The following OXR1 variants were observed in gnomAD, a reference collection of about 807,000 sequenced individuals.
OXR1 encodes oxidation resistance protein 1.
A neutral mutation model predicts 104.6 loss-of-function variants in OXR1; 41 were observed. The observed-to-expected ratio is 0.39, with a 90% CI of 0.31 to 0.51. The LOEUF (loss-of-function observed/expected upper bound fraction) is 0.51, where lower values mean the gene tolerates loss of function less well. Ranked by LOEUF, OXR1 falls within the 20% of genes least tolerant of loss-of-function variation. The pLI is 0.77. For synonymous variants in OXR1, 348 were observed against 348.4 expected, an observed-to-expected ratio of 1.00 and a Z score of 0.01; for missense variants, 955 against 1,031.9, an observed-to-expected ratio of 0.93 and a Z score of 1.02.
intron 3 of OXR1, among the ~76,000 whole-genome samples, chr8:106,642,130 A>T (rs944468046): frequency 6.6e-6 from 1 of 152,176 alleles, no homozygotes; most frequent in African/African-American, 2.4e-5. Flanking sequence ...GTACAAAACA[A>T]ATACTGTAAA....
chr8:106,647,130 C>T (rs1418948250), intron 3 of OXR1, among the ~76,000 whole-genome samples: 1 of 152,134 alleles, frequency 6.6e-6, no homozygotes, highest in Non-Finnish European at 1.5e-5. Context: ...TTGCTGAGTC[C>T]TTGTTTGGCT....
At chr8:106,504,697 A>T (rs150668397) in intron 2 of OXR1, among the ~76,000 whole-genome samples, 3 of 152,114 alleles carry the variant, frequency 2.0e-5, no homozygotes, top group African/African-American at 7.2e-5. Flanking sequence ...ACTTTTTGTT[A>T]TCATCAGATT....
At position 106,462,436 on chromosome 8, in the gene OXR1, A is replaced by G. The variant is rs548876202; in HGVS notation, c.24-56507A>G. On this transcript the variant is annotated intron_variant, in intron 2 of 16. Transcript: ENST00000517566. ...TCATTACCCATTCATATACTCTACA[A>G]TTCCTGGGTGAACTTTGGGAAAACA... Among the ~76,000 whole-genome samples, 226 of 152,212 alleles carry G rather than the reference A, an allele frequency of 1.5e-3. 1 individual carries two copies. The highest frequency in any genetic ancestry group is 5.3e-3 in the African/African-American group (222 of 41,548).
chr8:106,570,761 T>C, intron 3 of OXR1, among the ~76,000 whole-genome samples: 1 of 152,178 alleles, frequency 6.6e-6, no homozygotes, highest in Non-Finnish European at 1.5e-5. Context: ...TCTTCCTGAT[T>C]AAGCTGTCCA....
intron 1 of OXR1, among the ~76,000 whole-genome samples, chr8:106,331,393 G>C (rs1423697905): frequency 6.6e-6 from 1 of 152,028 alleles, no homozygotes; most frequent in African/African-American, 2.4e-5. Context: ...AGATTAATTT[G>C]TCATTGAAAC....
chr8:106,635,501 G>C (rs1823054989), intron 3 of OXR1, among the ~76,000 whole-genome samples: 1 of 152,158 alleles, frequency 6.6e-6, no homozygotes, highest in Non-Finnish European at 1.5e-5. Context: ...CTGGAGTGCA[G>C]TGGCACAATC....
chr8:106,571,445 AT>A (rs1279783805), intron 3 of OXR1, among the ~76,000 whole-genome samples: 2 of 152,068 alleles, frequency 1.3e-5, no homozygotes, highest in African/African-American at 2.4e-5. Context: ...ACCTAATTAT[AT>A]TTCAAAGATT....
chr8:106,291,740 A>C (rs1812761631), intron 1 of OXR1, among the ~76,000 whole-genome samples: 2 of 152,178 alleles, frequency 1.3e-5, no homozygotes, highest in Admixed American at 6.5e-5. Context: ...GGTTTAATAG[A>C]CACAGTTCCA....
intron 3 of OXR1, among the ~76,000 whole-genome samples, chr8:106,620,294 G>T (rs1401222180): frequency 6.6e-6 from 1 of 151,744 alleles, no homozygotes; most frequent in Non-Finnish European, 1.5e-5. Context: ...TGATCAAGCT[G>T]TATTGTGATT....
At chr8:106,699,979 A>C (rs951982583) in intron 7 of OXR1, among the ~76,000 whole-genome samples, 9 of 152,114 alleles carry the variant, frequency 5.9e-5, no homozygotes, top group Admixed American at 5.2e-4. Flanking sequence ...TAATGATTTT[A>C]TCTCTTAGTA....
At chr8:106,576,008 A>ACACACACG (rs2130593187) in intron 3 of OXR1, among the ~76,000 whole-genome samples, 1 of 151,930 alleles carries the variant, frequency 6.6e-6, no homozygotes, top group East Asian at 1.9e-4. Flanking sequence ...ACACACACAC[A>ACACACACG]CACACACACA....
rs1815620281 is a variant in OXR1 at position 106,549,276 on chromosome 8, T to C, written c.220+30137T>C. ...TTTTTTTTTGCAGTTAGCTACATCC[T>C]TATCTAGACCATAAGCTCCAGGAAG... On this transcript the variant is annotated intron_variant, in intron 3 of 16. Transcript: ENST00000517566. 2.0e-5 allele frequency among the ~76,000 whole-genome samples: 3 copies of C among 150,614 alleles called. No homozygotes were observed. In the South Asian group the frequency reaches 6.3e-4, roughly 32 times the overall value.
chr8:106,697,882 C>T (rs142481598), intron 7 of OXR1: 17 of 1,612,196 alleles, frequency 1.1e-5, no homozygotes, highest in East Asian at 8.9e-5. Context: ...AGGCTGGGAC[C>T]GGCCCACATC....
chr8:106,301,436 GA>G (rs1813232475), intron 1 of OXR1, among the ~76,000 whole-genome samples: 1 of 152,176 alleles, frequency 6.6e-6, no homozygotes, highest in African/African-American at 2.4e-5. Context: ...TTTGGGCTTT[GA>G]AATTTACAGG....
intron 7 of OXR1, chr8:106,697,781 T>A: frequency 6.2e-7 from 1 of 1,613,130 alleles, no homozygotes. Flanking sequence ...TGGATCTTCT[T>A]TACTGGGACC....
At chr8:106,371,855 G>T (rs571762623) in intron 2 of OXR1, among the ~76,000 whole-genome samples, 6 of 152,340 alleles carry the variant, frequency 3.9e-5, no homozygotes, top group Admixed American at 2.6e-4. Flanking sequence ...GGGCTGTGGG[G>T]ACAAGTCTTG....
rs1173247620 is a variant in OXR1 at position 106,279,545 on chromosome 8, A to G, written c.-139+9178A>G. On this transcript the variant is annotated intron_variant, in intron 1 of 16. Transcript: ENST00000517566. ...TTAATTAGAAACTATGCACTTTTAA[A>G]AAGTTTTCCATCAACTGCCTCTTCT... 2.6e-5 allele frequency among the ~76,000 whole-genome samples: 4 copies of G among 152,336 alleles called. No homozygotes were observed. In the South Asian group the frequency reaches 8.3e-4, roughly 32 times the overall value.
At chr8:106,662,809 G>C (rs893524204) in intron 3 of OXR1, among the ~76,000 whole-genome samples, 3 of 151,794 alleles carry the variant, frequency 2.0e-5, no homozygotes, top group African/African-American at 4.8e-5. Flanking sequence ...GTTTTGCTTG[G>C]ATTGGGGGTA....
chr8:106,525,582 C>T (rs1201616667), intron 3 of OXR1, among the ~76,000 whole-genome samples: 1 of 152,128 alleles, frequency 6.6e-6, no homozygotes, highest in Non-Finnish European at 1.5e-5. Context: ...TTACTTATGC[C>T]ACCTAAATGC....
Sources: allele counts gnomAD v4.1 joint callset (sites outside exome capture counted in the v4.1 genomes callset), GRCh38; gene constraint gnomAD v4.1.1; transcripts MANE v1.5; gene names NCBI Gene and HGNC (gene_info 2026-07-23, HGNC 2026-07-21).